The following LMO7 variants were observed in gnomAD, a reference collection of about 807,000 sequenced individuals.
The protein encoded by LMO7 is LIM domain only protein 7.
Under a neutral mutation model 206.5 loss-of-function variants are expected in LMO7, and 120 were observed. The observed-to-expected ratio is 0.58, with a 90% CI of 0.50 to 0.68. The LOEUF is 0.68. Ranked by LOEUF, LMO7 falls within the 30% of genes least tolerant of loss-of-function variation. The probability of loss-of-function intolerance (pLI) is 0.00; values close to 1 mark genes in which losing one functional copy is unlikely to be tolerated. For synonymous variants in LMO7, 706 were observed against 681.5 expected (o/e 1.04, Z -0.56); for missense variants, 1,959 against 1,957.9 (o/e 1.00, Z -0.01).
chr13:75,842,086 CA>C (rs928735676), intron 24 of LMO7, 103 bp downstream of exon 24: 4 of 783,088 alleles, frequency 5.1e-6, no homozygotes, highest in Non-Finnish European at 6.1e-6. Flanking sequence ...ATTCTCCACA[CA>C]AGTGAATACA....
intron 15 of LMO7, among the ~76,000 whole-genome samples, chr13:75,827,387 A>G (rs1295118566): frequency 6.6e-6 from 1 of 152,190 alleles, no homozygotes; most frequent in African/African-American, 2.4e-5. Flanking sequence ...ACAGCATTGC[A>G]CTAATAAGGT....
chr13:75,708,189 T>C (rs1043996885), intron 1 of LMO7, among the ~76,000 whole-genome samples: 12 of 152,192 alleles, frequency 7.9e-5, no homozygotes, highest in Non-Finnish European at 1.3e-4. Context: ...GCAGGTGATA[T>C]TTTCCCTGCT....
rs562618116 is a variant in LMO7, at chr13:75,637,985, A to G, written c.69+1259A>G. Among the ~76,000 whole-genome samples the G allele has an allele frequency of 7.9e-4, 120 of 152,332 alleles. 2 individuals are homozygous for G. Among genetic ancestry groups the G allele is most frequent in the Admixed American group, 1.5e-3 (23 of 15,304 alleles). On this transcript the variant is annotated intron_variant, in intron 1 of 30. Transcript: ENST00000377534. ...ACGCTGTATTTTGAATTGAAATGAG[A>G]GTGGAAAAATTCCAGCAATATAGTT...
chr13:75,755,213 G>A (rs946178315), intron 3 of LMO7, among the ~76,000 whole-genome samples: 20 of 152,174 alleles, frequency 1.3e-4, no homozygotes, highest in African/African-American at 4.3e-4. Flanking sequence ...CTTCACTGCC[G>A]CTTATTATTT....
chr13:75,792,859 G>A (rs1373648801), intron 4 of LMO7, among the ~76,000 whole-genome samples: 1 of 152,214 alleles, frequency 6.6e-6, no homozygotes, highest in Admixed American at 6.5e-5. Flanking sequence ...GGAATGTAAA[G>A]TGAGTAAAAG....
chr13:75,724,723 A>G (rs1566353771), intron 2 of LMO7, among the ~76,000 whole-genome samples: 1 of 152,118 alleles, frequency 6.6e-6, no homozygotes, highest in Non-Finnish European at 1.5e-5. Flanking sequence ...CTTTAATTTT[A>G]TATGAAAATA....
intron 3 of LMO7, among the ~76,000 whole-genome samples, chr13:75,744,807 C>T (rs2046703174): frequency 1.3e-5 from 2 of 152,132 alleles, no homozygotes; most frequent in Admixed American, 6.5e-5. Context: ...AACATTTCTC[C>T]CTTATGGGGC....
chr13:75,733,367 G>A (rs1056034941), intron 3 of LMO7, among the ~76,000 whole-genome samples: 1 of 152,208 alleles, frequency 6.6e-6, no homozygotes, highest in Non-Finnish European at 1.5e-5. Flanking sequence ...CTGCCTTGCA[G>A]TTTGATCTCA....
chr13:75,659,181 A>G (rs193193922), intron 1 of LMO7, among the ~76,000 whole-genome samples: 93 of 152,302 alleles, frequency 6.1e-4, no homozygotes, highest in Middle Eastern at 3.4e-3. Context: ...TAACTTTGAT[A>G]TATGTCTTTA....
upstream of LMO7, among the ~76,000 whole-genome samples, chr13:75,632,738 C>A (rs12020008): frequency 6.6e-6 from 1 of 152,024 alleles, no homozygotes; most frequent in Admixed American, 6.6e-5. Context: ...AATAATAATT[C>A]TTGTGAAGCT....
intron 1 of LMO7, among the ~76,000 whole-genome samples, chr13:75,677,967 T>C (rs934131235): frequency 5.3e-5 from 8 of 152,154 alleles, no homozygotes; most frequent in Non-Finnish European, 1.2e-4. Flanking sequence ...ACAAATGACA[T>C]GAACTCATCA....
intron 1 of LMO7, among the ~76,000 whole-genome samples, chr13:75,663,130 T>A (rs149252696): frequency 1.8e-3 from 272 of 152,106 alleles, no homozygotes; most frequent in African/African-American, 6.3e-3. Context: ...ATAAGTTTTT[T>A]TTTTTACTAT....
intron 8 of LMO7, chr13:75,804,794 C>A: frequency 8.9e-7 from 1 of 1,128,392 alleles, no homozygotes; most frequent in Non-Finnish European, 1.1e-6. Context: ...TATTTTTCAG[C>A]TTACCAGATA....
intron 6 of LMO7, among the ~76,000 whole-genome samples, chr13:75,797,767 C>T (rs1354271001): frequency 6.6e-6 from 1 of 152,080 alleles, no homozygotes; most frequent in Non-Finnish European, 1.5e-5. Context: ...GATTATAGAG[C>T]CTAGAAGATA....
At chr13:75,757,704 T>C (rs2047784777) in intron 3 of LMO7, among the ~76,000 whole-genome samples, 1 of 152,200 alleles carries the variant, frequency 6.6e-6, no homozygotes, top group Non-Finnish European at 1.5e-5. Flanking sequence ...TTAGAACCTT[T>C]AATTTGTAGT....
chr13:75,691,429 C>T (rs1159542338), intron 1 of LMO7, among the ~76,000 whole-genome samples: 3 of 152,222 alleles, frequency 2.0e-5, no homozygotes, highest in Admixed American at 1.3e-4. Context: ...TCACAGTAAA[C>T]AACTTGGCCA....
chr13:75,808,074 A>G lies in LMO7; in HGVS notation c.1791A>G (p.Lys597=). The change falls in exon 10 of 31, where the codon AAA becomes AAG. Residue 597 remains lysine, a synonymous_variant. Transcript: ENST00000377534. The part of the protein sequence containing the change: ...DMLTRKIQSW[K]LGTTVPPISF... ...TGACACGTAAGATTCAGTCCTGGAA[A>G]CTGGGAACTACCGTGCCTCCCATCA... 1 of 1,613,952 alleles carries G rather than the reference A, an allele frequency of 6.2e-7. No homozygotes were observed. Among genetic ancestry groups the G allele is most frequent in the South Asian group, 1.1e-5 (1 of 91,084 alleles).
At chr13:75,818,932 A>G (rs998367871) in intron 12 of LMO7, among the ~76,000 whole-genome samples, 1 of 152,192 alleles carries the variant, frequency 6.6e-6, no homozygotes, top group Non-Finnish European at 1.5e-5. Flanking sequence ...GGCCTGCCTC[A>G]AAGTAGGGAT....
At position 75,737,685 on chromosome 13, in the gene LMO7, G is replaced by A. The variant is rs1396359555; in HGVS notation, c.210+10587G>A. Among the ~76,000 whole-genome samples, 5 of 135,258 alleles carry A rather than the reference G, an allele frequency of 3.7e-5. No individual in the cohort carries two copies. In the East Asian group the frequency reaches 6.5e-4, roughly 18 times the overall value. The allele number at this position is 135,258 out of a possible 152,430, so 88.7% of individuals were successfully genotyped here. A position where few individuals can be genotyped will look rare whatever the true frequency, so the allele number is the denominator to read the frequency against. On this transcript the variant is annotated intron_variant, in intron 3 of 30. Transcript: ENST00000377534. ...GGAGGATGGCGTGAACCTGGGAGGC[G>A]GAGCTTGCAGTGAGCCGAGATCGCG...
Sources: gnomAD v4.1 joint callset for allele counts (sites outside exome capture counted in the v4.1 genomes callset) on GRCh38, gnomAD v4.1.1 for gene constraint, MANE v1.5 for transcripts, NCBI Gene and HGNC (gene_info 2026-07-23, HGNC 2026-07-21) for gene names.